CFAP53: variants seen among roughly 807,000 people sequenced by gnomAD.
CFAP53 encodes cilia and flagella associated protein 53, also known as cilia- and flagella-associated protein 53.
A neutral mutation model predicts 59.7 loss-of-function variants in CFAP53; 62 were observed. That is an observed-to-expected ratio of 1.04 (90% CI 0.85 to 1.28). The LOEUF (loss-of-function observed/expected upper bound fraction) is 1.28, where lower values mean the gene tolerates loss of function less well. CFAP53 is among the 50% of genes most tolerant of loss of function. The probability of loss-of-function intolerance (pLI) is 0.00; values close to 1 mark genes in which losing one functional copy is unlikely to be tolerated. For missense variants in CFAP53, 629 were observed against 615.6 expected (o/e 1.02, Z -0.23); for synonymous variants, 218 against 205.7 (o/e 1.06, Z -0.51).
intron 1 of CFAP53, among the ~76,000 whole-genome samples, chr18:50,263,451 C>T (rs2033912754): frequency 6.6e-6 from 1 of 152,144 alleles, no homozygotes; most frequent in African/African-American, 2.4e-5. Flanking sequence ...AGATTCAGGG[C>T]TCAGGGTACA....
intron 7 of CFAP53, among the ~76,000 whole-genome samples, chr18:50,236,640 CA>C (rs1250458380): frequency 1.3e-5 from 2 of 152,186 alleles, no homozygotes; most frequent in Non-Finnish European, 2.9e-5. Flanking sequence ...TTCCAGGTGA[CA>C]ACTAAAACTC....
At chr18:50,259,459 T>C (rs1034210081) in intron 3 of CFAP53, among the ~76,000 whole-genome samples, 1 of 40,112 alleles carries the variant, frequency 2.5e-5, no homozygotes, top group East Asian at 5.8e-4. Context: ...GGAAGGATAG[T>C]GGGGGGTTGG....
intron 5 of CFAP53, among the ~76,000 whole-genome samples, chr18:50,243,443 C>G (rs1051856469): frequency 7.9e-5 from 12 of 152,274 alleles, no homozygotes; most frequent in South Asian, 2.1e-4. Context: ...AACACTTTCC[C>G]AAAGTGTTTC....
Position 50,261,252 on chromosome 18 carries a change from C to CAAAAAAAA in CFAP53, c.300-23_300-16dup, listed in dbSNP as rs71169499. The stretch of plus-strand genomic sequence containing the variant: ...GCTCACGTAGCCTGAAACAAAAAGC[C>CAAAAAAAA]AAAAAAAAAAAAAAAAAAAGAAAAC... On this transcript the variant is annotated splice_polypyrimidine_tract_variant and intron_variant, in intron 2 of 7. Coordinates refer to ENST00000398545, the MANE Select transcript of CFAP53 (RefSeq NM_145020.5). The CAAAAAAAA allele has an allele frequency of 2.8e-5, 34 of 1,215,674 alleles. No individual in the cohort carries two copies. The highest frequency in any genetic ancestry group is 1.3e-4 in the African/African-American group (7 of 52,582). 75.3% of individuals were successfully genotyped at this position (1,215,674 alleles called of 1,614,324 possible). A position where few individuals can be genotyped will look rare whatever the true frequency, so the allele number is the denominator to read the frequency against.
chr18:50,265,626 T>G (rs2033948614), intron 1 of CFAP53, among the ~76,000 whole-genome samples: 1 of 152,180 alleles, frequency 6.6e-6, no homozygotes. Context: ...TAACTCTGCC[T>G]ACATGTTAGT....
intron 6 of CFAP53, among the ~76,000 whole-genome samples, chr18:50,241,892 G>A (rs1005386840): frequency 6.6e-6 from 1 of 152,176 alleles, no homozygotes; most frequent in South Asian, 2.1e-4. Flanking sequence ...GATTTCACCA[G>A]GCTGGAATTT....
At chr18:50,228,593 C>A (rs1257894599) in intron 7 of CFAP53, among the ~76,000 whole-genome samples, 2 of 151,758 alleles carry the variant, frequency 1.3e-5, no homozygotes, top group Non-Finnish European at 2.9e-5. Context: ...GAGTTCGAGA[C>A]CAGCCTGACC....
intron 3 of CFAP53, among the ~76,000 whole-genome samples, chr18:50,252,383 C>T (rs185277155): frequency 1.3e-5 from 2 of 151,978 alleles, no homozygotes; most frequent in South Asian, 2.1e-4. Context: ...GGATTAGAGG[C>T]GTGAGCCACC....
intron 3 of CFAP53, among the ~76,000 whole-genome samples, chr18:50,253,047 C>T (rs1237726364): frequency 2.0e-5 from 3 of 150,204 alleles, no homozygotes; most frequent in African/African-American, 2.5e-5. Context: ...GACGGAGTCT[C>T]GCTCTGTCGC....
rs2033896711 is a variant in CFAP53, at chr18:50,261,881, A to G, written c.299+109T>C. ...AACCAGCAATAGCTATGGATTTAAT[A>G]TAAACATCTCAGCCATGATCCTTGC... On this transcript the variant is annotated intron_variant, in intron 2 of 7. Coordinates refer to ENST00000398545, the MANE Select transcript of CFAP53 (RefSeq NM_145020.5). 6 of 738,746 alleles carry G rather than the reference A, an allele frequency of 8.1e-6. No homozygotes were observed. The South Asian group carries it at 1.1e-4, about 14-fold the overall frequency. 45.8% of individuals were successfully genotyped at this position (738,746 alleles called of 1,614,324 possible). A position where few individuals can be genotyped will look rare whatever the true frequency, so the allele number is the denominator to read the frequency against.
At chr18:50,255,043 T>G (rs1187223201) in intron 3 of CFAP53, among the ~76,000 whole-genome samples, 2 of 152,204 alleles carry the variant, frequency 1.3e-5, no homozygotes, top group Non-Finnish European at 2.9e-5. Context: ...AACCAAAATG[T>G]CCTTCAGTAA....
chr18:50,227,712 C>A, intron 7 of CFAP53, 103 bp from the exon 8 acceptor site: 1 of 920,884 alleles, frequency 1.1e-6, no homozygotes, highest in Non-Finnish European at 1.7e-6. Flanking sequence ...AAATTAAATT[C>A]CCATTAAAAT....
chr18:50,263,614 C>T (rs2033913847), intron 1 of CFAP53, among the ~76,000 whole-genome samples: 1 of 152,114 alleles, frequency 6.6e-6, no homozygotes, highest in Admixed American at 6.6e-5. Flanking sequence ...GACTGTTCTC[C>T]AATACAGTTG....
In CFAP53 at chr18:50,266,385, C is replaced by A. The variant is rs746495360; in HGVS notation, c.20G>T (p.Gly7Val). Reference sequence around the variant, plus strand: ...GCCCTTAACCTCCCGCTGTACGGTGCCAAACCGCTGGCTGTACATTTTCGA... The same window carrying A: ...GCCCTTAACCTCCCGCTGTACGGTGACAAACCGCTGGCTGTACATTTTCGA... MYSQRF[G>V]TVQREVKGPT... Residue 7 changes from glycine (G) to valine (V), a missense_variant, in exon 1 of 8, where the codon GGC becomes GTC. Transcript: ENST00000398545. 6 of 1,614,272 alleles carry A rather than the reference C, an allele frequency of 3.7e-6. No individual in the cohort carries two copies. The highest frequency in any genetic ancestry group is 1.3e-5 in the African/African-American group (1 of 75,078).
intron 6 of CFAP53, among the ~76,000 whole-genome samples, chr18:50,240,905 G>A (rs2033684414): frequency 6.6e-6 from 1 of 152,196 alleles, no homozygotes; most frequent in African/African-American, 2.4e-5. Flanking sequence ...CATGGAAATG[G>A]CAGAAATCTG....
At chr18:50,247,286 A>AT (rs2033754041) in intron 5 of CFAP53, among the ~76,000 whole-genome samples, 1 of 152,184 alleles carries the variant, frequency 6.6e-6, no homozygotes. Context: ...GCTGGGTAAA[A>AT]TAAAAAAAAC....
chr18:50,244,887 C>T (rs1013109867), intron 5 of CFAP53, among the ~76,000 whole-genome samples: 5 of 151,456 alleles, frequency 3.3e-5, no homozygotes, highest in African/African-American at 1.2e-4. Context: ...ATGGTAAAAC[C>T]CCGTCTCTAC....
rs1377149190 is a variant in CFAP53 at position 50,262,042 on chromosome 18, T to C, written c.247A>G (p.Ile83Val). The C allele has an allele frequency of 6.2e-7, 1 of 1,614,100 alleles. No individual in the cohort carries two copies. Among genetic ancestry groups the C allele is most frequent in the Non-Finnish European group, 8.5e-7 (1 of 1,180,024 alleles). Residue 83 changes from isoleucine (I) to valine (V), a missense_variant, in exon 2 of 8, where the codon ATC becomes GTC. Physicochemically the swap from Ile to Val is conservative, Grantham distance 29. Transcript: ENST00000398545. ...KILDSLVRAR[I>V]KDAVQGFIIN... ...ATAAACCCTTGCACAGCATCCTTGATTCTTGCTCGCACAAGGCTGTCCAAA... is the reference window on the plus strand; with the variant it reads ...ATAAACCCTTGCACAGCATCCTTGACTCTTGCTCGCACAAGGCTGTCCAAA...
At chr18:50,240,260 A>G (rs1359925778) in intron 6 of CFAP53, among the ~76,000 whole-genome samples, 2 of 138,212 alleles carry the variant, frequency 1.4e-5, no homozygotes, top group South Asian at 4.8e-4. Context: ...CTGATCACCT[A>G]CCCCACCCTG....
Sources: allele counts gnomAD v4.1 joint callset (sites outside exome capture counted in the v4.1 genomes callset), GRCh38; gene constraint gnomAD v4.1.1; transcripts MANE v1.5; gene names NCBI Gene and HGNC (gene_info 2026-07-23, HGNC 2026-07-21).